Variants in NFIC observed in about 807,000 individuals in gnomAD.
NFIC encodes the protein nuclear factor 1 C-type.
Under a neutral mutation model 54.4 loss-of-function variants are expected in NFIC, and 12 were observed. The ratio of observed to expected loss-of-function variants is 0.22; its 90% CI spans 0.14 to 0.36. The LOEUF is 0.36. Ranked by LOEUF, NFIC falls within the 10% of genes least tolerant of loss-of-function variation. The pLI is 1.00. For missense variants in NFIC, 575 were observed against 718.2 expected (o/e 0.80, Z 2.28); for synonymous variants, 322 against 319.2 (o/e 1.01, Z -0.09).
In NFIC at chr19:3,375,365, G is replaced by GC. The variant is rs1376767412; in HGVS notation, c.31-6341dup. ...GGTCCTCTCTGCCGCGTCCCACTGTGCCCCCCACCACCCCCACTGCCCGGC... is the reference window on the plus strand; with the variant it reads ...GGTCCTCTCTGCCGCGTCCCACTGTGCCCCCCCACCACCCCCACTGCCCGGC... On this transcript the variant is annotated intron_variant, in intron 1 of 10. Coordinates refer to ENST00000443272, the MANE Select transcript of NFIC (RefSeq NM_001245002.2). The surrounding 1 kb of genome is among the most constrained non-coding windows in gnomAD (Gnocchi z 4.6). Among the ~76,000 whole-genome samples, 1 of 152,112 alleles carries GC rather than the reference G, an allele frequency of 6.6e-6. No individual in the cohort carries two copies. The highest frequency in any genetic ancestry group is 2.4e-5 in the African/African-American group (1 of 41,434).
chr19:3,466,439 A>C lies in NFIC; in HGVS notation c.*3670A>C, dbSNP rs2082717602. On this transcript the variant is annotated 3_prime_UTR_variant, in exon 11 of 11. Coordinates refer to ENST00000443272, the MANE Select transcript of NFIC (RefSeq NM_001245002.2). This position sits in a 1 kb window ranked among gnomAD's most constrained non-coding sequence, Gnocchi z 4.8. ...CCCACGCAGATGGTCCCATTCATTC[A>C]CTATTGCCCCCAACCCCGGGATTTT... 6.7e-6 allele frequency: 1 copy of C among 150,312 alleles called. No individual in the cohort carries two copies. 9.3% of individuals were successfully genotyped at this position (150,312 alleles called of 1,614,324 possible).
At chr19:3,362,782 C>A (rs1311067048), upstream of NFIC, among the ~76,000 whole-genome samples, 3 of 150,246 alleles carry the variant, frequency 2.0e-5, no homozygotes, top group African/African-American at 7.3e-5. Flanking sequence ...CATTGTGAGC[C>A]CCTTGCTGAG....
chr19:3,387,749 G>A (rs537645138), intron 2 of NFIC, among the ~76,000 whole-genome samples: 116 of 152,128 alleles, frequency 7.6e-4, no homozygotes, highest in African/African-American at 2.8e-3. Flanking sequence ...GGATGTTCAG[G>A]GGGTAGTGAG....
chr19:3,387,373 G>T (rs1429180341), intron 2 of NFIC, among the ~76,000 whole-genome samples: 2 of 152,138 alleles, frequency 1.3e-5, no homozygotes, highest in Admixed American at 6.5e-5. Context: ...GTGGTGGCGG[G>T]CGTCTGTAGT....
chr19:3,454,318 T>C, intron 9 of NFIC: 1 of 981,818 alleles, frequency 1.0e-6, no homozygotes, highest in Non-Finnish European at 1.2e-6. Flanking sequence ...GAATCGGTTG[T>C]TATCATTTTA....
rs201510249 is a variant in NFIC, at chr19:3,453,859, C to T, written c.1366C>T (p.Pro456Ser). The change falls in exon 9 of 11, where the codon CCT (proline) becomes TCT (serine). Residue 456 changes from proline (P) to serine (S), a missense_variant. By Grantham distance (74) the Pro-to-Ser change is moderately conservative. Around this residue, in one of 3 missense-constraint regions of NFIC, gnomAD observed 447 missense variants for 526.9 expected, o/e 0.85. Coordinates refer to ENST00000443272, the MANE Select transcript of NFIC (RefSeq NM_001245002.2). This position sits in a 1 kb window ranked among gnomAD's most constrained non-coding sequence, Gnocchi z 6.7. ...GGGGCTGCCACGGCTGGCGCTCCCC[C>T]CTGCCACCAAACCCGCCACCACCTC... ...PPGLPRLALPPATKPATTSEG... is the reference protein window; with the variant it reads ...PPGLPRLALPSATKPATTSEG... 2.1e-3 allele frequency: 3,309 copies of T among 1,570,600 alleles called. 12 individuals carry two copies. Among genetic ancestry groups the T allele is most frequent in the South Asian group, 7.1e-3 (609 of 85,922 alleles).
intron 1 of NFIC, among the ~76,000 whole-genome samples, chr19:3,378,743 G>T (rs952729278): frequency 6.6e-6 from 1 of 152,178 alleles, no homozygotes; most frequent in Non-Finnish European, 1.5e-5. Flanking sequence ...TCCAGGGTGG[G>T]TCTGCAGGGA....
chr19:3,379,530 A>C (rs1430645219), intron 1 of NFIC, among the ~76,000 whole-genome samples: 1 of 148,612 alleles, frequency 6.7e-6, no homozygotes, highest in African/African-American at 2.5e-5. Flanking sequence ...ATTTTTAGTA[A>C]AGATGGGGTT....
intron 1 of NFIC, among the ~76,000 whole-genome samples, chr19:3,368,070 G>T (rs929659238): frequency 6.6e-6 from 1 of 152,154 alleles, no homozygotes; most frequent in Admixed American, 6.5e-5. Context: ...CAGCTTTGGG[G>T]GGGGGGTTCC....
intron 10 of NFIC, among the ~76,000 whole-genome samples, chr19:3,461,357 A>C (rs752579241): frequency 2.0e-5 from 3 of 152,112 alleles, no homozygotes; most frequent in Non-Finnish European, 2.9e-5. Flanking sequence ...CAGGAGATGG[A>C]GGCTGCAGTG....
rs2121981536 is a variant in NFIC, at chr19:3,465,284, C to T, written c.*2515C>T. On this transcript the variant is annotated 3_prime_UTR_variant, in exon 11 of 11. Coordinates refer to ENST00000443272, the MANE Select transcript of NFIC (RefSeq NM_001245002.2). ...AATAAGTATTACCTTTAAACAATAT[C>T]AGCGCACACACATAGCTGCATGTTC... is the stretch of plus-strand genomic sequence containing the variant. 1 of 147,200 alleles carries T rather than the reference C, an allele frequency of 6.8e-6. No individual in the cohort carries two copies. The highest frequency in any genetic ancestry group is 2.1e-4 in the South Asian group (1 of 4,658). The allele number at this position is 147,200 out of a possible 1,614,324, so 9.1% of individuals were successfully genotyped here. A position where few individuals can be genotyped will look rare whatever the true frequency, so the allele number is the denominator to read the frequency against.
rs1047513263 is a variant in NFIC at position 3,459,133 on chromosome 19, C to T, written c.1509+2498C>T. 1.3e-5 allele frequency among the ~76,000 whole-genome samples: 2 copies of T among 152,226 alleles called. No homozygotes were observed. The highest frequency in any genetic ancestry group is 1.9e-4 in the East Asian group (1 of 5,180). The stretch of plus-strand genomic sequence containing the variant: ...TCTGGCCAGTCAGCACTTCTGCCTC[C>T]GCCTCCTCTATTCCTGGCGGATTCG... On this transcript the variant is annotated intron_variant, in intron 10 of 10. Coordinates refer to ENST00000443272, the MANE Select transcript of NFIC (RefSeq NM_001245002.2). The surrounding 1 kb of genome is among the most constrained non-coding windows in gnomAD (Gnocchi z 4.2).
At chr19:3,437,407 A>G (rs1311884248) in intron 6 of NFIC, among the ~76,000 whole-genome samples, 12 of 150,962 alleles carry the variant, frequency 7.9e-5, no homozygotes, top group Admixed American at 6.6e-4. Flanking sequence ...CGGCACTCGG[A>G]CGCATCTAGT....
chr19:3,366,654 C>G lies in NFIC; in HGVS notation c.18C>G (p.Leu6=). The stretch of plus-strand genomic sequence containing the variant: ...CGCCCGGGATGTATTCGTCCCCGCT[C>G]TGCCTCACCCAGGTACGGTCCTCGC... MYSSP[L]CLTQDEFHPF... Residue 6 remains leucine, a synonymous_variant, in exon 1 of 11, where the codon CTC becomes CTG. Transcript: ENST00000443272. 6.7e-7 allele frequency: 1 copy of G among 1,487,080 alleles called. No individual in the cohort carries two copies. Among genetic ancestry groups the G allele is most frequent in the South Asian group, 1.3e-5 (1 of 74,502 alleles). 92.1% of individuals were successfully genotyped at this position (1,487,080 alleles called of 1,614,324 possible).
At chr19:3,376,023 G>A (rs1038520820) in intron 1 of NFIC, among the ~76,000 whole-genome samples, 4 of 152,138 alleles carry the variant, frequency 2.6e-5, no homozygotes, top group East Asian at 3.9e-4. Context: ...CTGAGACCCT[G>A]TGGGACCTCA....
At chr19:3,441,049 A>G (rs1568186262) in intron 6 of NFIC, among the ~76,000 whole-genome samples, 1 of 151,878 alleles carries the variant, frequency 6.6e-6, no homozygotes, top group East Asian at 2.0e-4. Context: ...TCCTGGGCTC[A>G]TCCTCCTGCC....
chr19:3,430,263 C>T (rs1481711030), intron 3 of NFIC, among the ~76,000 whole-genome samples: 4 of 150,924 alleles, frequency 2.7e-5, no homozygotes, highest in Admixed American at 1.3e-4. Flanking sequence ...TTTTTTTACC[C>T]CCAGGCTGGA....
rs2082477038 is a variant in NFIC, at chr19:3,452,310, C to T, written c.1085-172C>T. Among the ~76,000 whole-genome samples, 1 of 152,064 alleles carries T rather than the reference C, an allele frequency of 6.6e-6. No individual in the cohort carries two copies. The highest frequency in any genetic ancestry group is 6.6e-5 in the Admixed American group (1 of 15,260). On this transcript the variant is annotated intron_variant, in intron 7 of 10. Transcript: ENST00000443272. This position sits in a 1 kb window ranked among gnomAD's most constrained non-coding sequence, Gnocchi z 5.3. ...GCCCCAGTGGGGTTGCCGTGGGAGTCGGGGAATTTGGGTGTCAATGTGGTC... is the reference window on the plus strand; with the variant it reads ...GCCCCAGTGGGGTTGCCGTGGGAGTTGGGGAATTTGGGTGTCAATGTGGTC...
intron 6 of NFIC, among the ~76,000 whole-genome samples, chr19:3,444,593 C>G (rs926905976): frequency 3.3e-5 from 5 of 152,232 alleles, no homozygotes; most frequent in South Asian, 2.1e-4. Context: ...GCGCTCCCCC[C>G]TCCTTCCTGC....
Sources: allele counts gnomAD v4.1 joint callset (sites outside exome capture counted in the v4.1 genomes callset), GRCh38; gene constraint gnomAD v4.1.1; regional missense constraint gnomAD v4.1.1; non-coding constraint Gnocchi (gnomAD v3.1); transcripts MANE v1.5; gene names NCBI Gene and HGNC (gene_info 2026-07-23, HGNC 2026-07-21).